Variants in ODAD2 observed in about 807,000 individuals in gnomAD.
ODAD2 encodes the protein outer dynein arm-docking complex subunit 2.
In ODAD2, 89 loss-of-function variants were observed where a neutral mutation model predicts 106.8. The ratio of observed to expected loss-of-function variants is 0.83; its 90% CI spans 0.70 to 0.99. The LOEUF is 0.99. ODAD2 is among the 50% of genes least tolerant of loss of function. The pLI is 0.00. For synonymous variants in ODAD2, 404 were observed against 436.2 expected, an observed-to-expected ratio of 0.93 and a Z score of 0.92; for missense variants, 1,168 against 1,238.5, an observed-to-expected ratio of 0.94 and a Z score of 0.85.
At chr10:27,846,995 C>G (rs56197094) in intron 19 of ODAD2, among the ~76,000 whole-genome samples, 4 of 152,160 alleles carry the variant, frequency 2.6e-5, no homozygotes, top group African/African-American at 9.7e-5. Flanking sequence ...ACCAGAAGTA[C>G]AAGGAGGAGC....
intron 19 of ODAD2, among the ~76,000 whole-genome samples, chr10:27,819,257 G>A (rs1836397838): frequency 6.6e-6 from 1 of 152,006 alleles, no homozygotes; most frequent in East Asian, 1.9e-4. Context: ...ACAGAAAAGA[G>A]CAACAGAAAT....
At chr10:27,984,085 T>C (rs1159363612) in intron 5 of ODAD2, 99 bp downstream of exon 5, 59 of 1,485,630 alleles carry the variant, frequency 4.0e-5, no homozygotes, top group Admixed American at 1.6e-4. Context: ...AGCTTTCCCC[T>C]TCTTAAACCT....
chr10:27,912,150 C>G (rs1844056963), intron 16 of ODAD2, among the ~76,000 whole-genome samples: 1 of 152,146 alleles, frequency 6.6e-6, no homozygotes, highest in Admixed American at 6.6e-5. Flanking sequence ...TTATACCACT[C>G]TCCATTTTCA....
chr10:27,969,739 T>C (rs1419494587), intron 8 of ODAD2, among the ~76,000 whole-genome samples: 1 of 152,198 alleles, frequency 6.6e-6, no homozygotes, highest in Non-Finnish European at 1.5e-5. Flanking sequence ...CAACCAGGAA[T>C]CAGTTCTTAA....
intron 6 of ODAD2, 53 bp downstream of exon 6, chr10:27,983,790 A>C: frequency 6.5e-7 from 1 of 1,542,806 alleles, no homozygotes; most frequent in Non-Finnish European, 8.9e-7. Flanking sequence ...AGACATCTAC[A>C]GCTAACAATC....
intron 19 of ODAD2, among the ~76,000 whole-genome samples, chr10:27,834,884 C>T (rs1028318229): frequency 1.3e-5 from 2 of 152,116 alleles, no homozygotes; most frequent in African/African-American, 2.4e-5. Context: ...CTGGAAGCTC[C>T]GATTTTAATG....
At chr10:27,929,000 G>T (rs1845438837) in intron 16 of ODAD2, among the ~76,000 whole-genome samples, 1 of 152,134 alleles carries the variant, frequency 6.6e-6, no homozygotes, top group Non-Finnish European at 1.5e-5. Flanking sequence ...GCAGGCAATG[G>T]TTCCAGAATC....
At chr10:27,899,732 G>A (rs1051707248) in intron 17 of ODAD2, among the ~76,000 whole-genome samples, 4 of 152,150 alleles carry the variant, frequency 2.6e-5, no homozygotes, top group Admixed American at 1.3e-4. Flanking sequence ...CCACAGCTCC[G>A]CAAAGCCACT....
intron 10 of ODAD2, chr10:27,959,071 T>G: frequency 2.5e-6 from 3 of 1,203,166 alleles, no homozygotes; most frequent in Non-Finnish European, 3.3e-6. Flanking sequence ...GCTTAGAGGC[T>G]CATGCCTGTA....
chr10:27,972,488 G>T (rs958126561), intron 7 of ODAD2, among the ~76,000 whole-genome samples: 12 of 152,128 alleles, frequency 7.9e-5, no homozygotes, highest in African/African-American at 2.9e-4. Context: ...GAAATCATCA[G>T]ATTGGATGGA....
intron 16 of ODAD2, among the ~76,000 whole-genome samples, chr10:27,918,172 T>C (rs1261799617): frequency 6.6e-6 from 1 of 151,942 alleles, no homozygotes; most frequent in Non-Finnish European, 1.5e-5. Context: ...CAACTTGTCC[T>C]ATAGGGCCTG....
intron 16 of ODAD2, among the ~76,000 whole-genome samples, chr10:27,925,363 A>T (rs1322430089): frequency 6.6e-6 from 1 of 152,188 alleles, no homozygotes; most frequent in African/African-American, 2.4e-5. Context: ...AACACTTTTT[A>T]AAAAATGTTT....
chr10:27,850,120 T>C (rs1839133669), intron 19 of ODAD2, among the ~76,000 whole-genome samples: 1 of 152,184 alleles, frequency 6.6e-6, no homozygotes, highest in Admixed American at 6.5e-5. Flanking sequence ...ATTTGGGCCT[T>C]AGTTTCCTCG....
intron 16 of ODAD2, among the ~76,000 whole-genome samples, chr10:27,921,661 G>T (rs1844787657): frequency 6.6e-6 from 1 of 150,556 alleles, no homozygotes; most frequent in South Asian, 2.1e-4. Flanking sequence ...TTATATTTCA[G>T]GTTGACAAAC....
At chr10:27,949,490 G>A (rs1460725581) in intron 10 of ODAD2, among the ~76,000 whole-genome samples, 1 of 152,158 alleles carries the variant, frequency 6.6e-6, no homozygotes, top group African/African-American at 2.4e-5. Context: ...CCCAGGCAGA[G>A]AAGGAGGGGA....
At chr10:27,959,445 G>A (rs1847965165) in intron 10 of ODAD2, among the ~76,000 whole-genome samples, 1 of 151,888 alleles carries the variant, frequency 6.6e-6, no homozygotes, top group South Asian at 2.1e-4. Flanking sequence ...AGGCCCTGTG[G>A]TTCAGTAAAG....
At chr10:27,842,678 A>G (rs1838399230) in intron 19 of ODAD2, among the ~76,000 whole-genome samples, 1 of 152,182 alleles carries the variant, frequency 6.6e-6, no homozygotes, top group South Asian at 2.1e-4. Context: ...TCCCCACAGT[A>G]AAATCTTTAA....
intron 19 of ODAD2, among the ~76,000 whole-genome samples, chr10:27,820,598 A>C (rs1836524948): frequency 6.6e-6 from 1 of 151,940 alleles, no homozygotes; most frequent in Non-Finnish European, 1.5e-5. Flanking sequence ...TCTATTCTAT[A>C]AATTAAATTT....
chr10:27,984,630 A>C (rs1849761894), intron 4 of ODAD2, among the ~76,000 whole-genome samples: 1 of 152,218 alleles, frequency 6.6e-6, no homozygotes, highest in Non-Finnish European at 1.5e-5. Flanking sequence ...TCTTGAGAGC[A>C]TTTGAAAATA....
Sources: allele counts gnomAD v4.1 joint callset (sites outside exome capture counted in the v4.1 genomes callset), GRCh38; gene constraint gnomAD v4.1.1; transcripts MANE v1.5; gene names NCBI Gene and HGNC (gene_info 2026-07-23, HGNC 2026-07-21).